PSEN2: variants seen among roughly 807,000 people sequenced by gnomAD.
The protein encoded by PSEN2 is presenilin 2.
PSEN2 carries 32 observed loss-of-function variants against 49.1 expected under a neutral mutation model. That is an observed-to-expected ratio of 0.65 (90% CI 0.49 to 0.88). The LOEUF is 0.88. Ranked by LOEUF, PSEN2 falls within the 40% of genes least tolerant of loss-of-function variation. PSEN2 has a pLI of 0.00. For missense variants in PSEN2, 522 were observed against 586.9 expected (o/e 0.89, Z 1.14); for synonymous variants, 255 against 244.0 (o/e 1.05, Z -0.42).
downstream of PSEN2, among the ~76,000 whole-genome samples, chr1:226,900,243 C>G (rs1662272634): frequency 6.6e-6 from 1 of 152,168 alleles, no homozygotes; most frequent in Admixed American, 6.5e-5. Flanking sequence ...GACCAGCAGT[C>G]AGAATGGTCA....
At chr1:226,883,036 AAACACAAATTCTT>A (rs1661098316) in intron 4 of PSEN2, among the ~76,000 whole-genome samples, 1 of 152,198 alleles carries the variant, frequency 6.6e-6, no homozygotes, top group South Asian at 2.1e-4. Flanking sequence ...CACAGTTCCA[AAACACAAATTCTT>A]ACAGATCGGT....
chr1:226,893,937 C>T (rs1009913351), intron 11 of PSEN2, 70 bp from the exon 12 acceptor site: 51 of 1,395,564 alleles, frequency 3.7e-5, no homozygotes, highest in Non-Finnish European at 5.1e-5. Context: ...GCCTTCTGGG[C>T]CAGAGTTTCT....
At chr1:226,892,771 C>G (rs1184016805) in intron 11 of PSEN2, among the ~76,000 whole-genome samples, 1 of 152,132 alleles carries the variant, frequency 6.6e-6, no homozygotes, top group East Asian at 1.9e-4. Context: ...GGACTGGCCT[C>G]CCTCCAGACA....
At chr1:226,884,923 A>T (rs575875179) in intron 5 of PSEN2, among the ~76,000 whole-genome samples, 5 of 152,224 alleles carry the variant, frequency 3.3e-5, no homozygotes, top group East Asian at 1.9e-4. Flanking sequence ...AAATTTTTTT[A>T]AAAAATTAAA....
At chr1:226,884,171 G>A (rs560884566) in intron 5 of PSEN2, among the ~76,000 whole-genome samples, 1 of 152,296 alleles carries the variant, frequency 6.6e-6, no homozygotes, top group South Asian at 2.1e-4. Flanking sequence ...GCAGTTACTG[G>A]GAGAATTAAG....
chr1:226,896,639 A>T (rs1408044377), downstream of PSEN2, among the ~76,000 whole-genome samples: 1 of 152,056 alleles, frequency 6.6e-6, no homozygotes, highest in Non-Finnish European at 1.5e-5. Flanking sequence ...AGTCGGAAGG[A>T]TCACTTGAGC....
At chr1:226,885,393 G>C (rs1320368244) in intron 5 of PSEN2, 145 bp from the exon 6 acceptor site, 19 of 869,506 alleles carry the variant, frequency 2.2e-5, no homozygotes, top group Non-Finnish European at 3.4e-5. Context: ...TGCTCATGGG[G>C]ATGGTGCCCG....
At chr1:226,898,318 C>T (rs897467324), downstream of PSEN2, 3 of 152,138 alleles carry the variant, frequency 2.0e-5, no homozygotes, top group South Asian at 4.1e-4. Flanking sequence ...TGCTATTGAT[C>T]GACCTGTAGG....
At chr1:226,899,157 T>G (rs546194774), downstream of PSEN2, 1 of 152,368 alleles carries the variant, frequency 6.6e-6, no homozygotes, top group East Asian at 1.9e-4. Flanking sequence ...GTTTTTTGCT[T>G]GTATGGCTTA....
rs540689339 is a variant in PSEN2 at position 226,891,141 on chromosome 1, A to G, written c.887-137A>G. ...CCCCTCCCACAACGGCCTCCTAACA[A>G]TGGAGCATGAGCAGATACCTGCAGG... On this transcript the variant is annotated intron_variant, in intron 9 of 12. Transcript: ENST00000366783. The G allele has an allele frequency of 1.2e-4, 89 of 727,986 alleles. No homozygotes were observed. The East Asian group carries it at 2.3e-3, about 19-fold the overall frequency. 45.1% of individuals were successfully genotyped at this position (727,986 alleles called of 1,614,324 possible). A position where few individuals can be genotyped will look rare whatever the true frequency, so the allele number is the denominator to read the frequency against.
At chr1:226,889,584 A>G (rs1661602729) in intron 8 of PSEN2, among the ~76,000 whole-genome samples, 1 of 152,138 alleles carries the variant, frequency 6.6e-6, no homozygotes. Context: ...CTCATTTTCC[A>G]TTATTACTGC....
chr1:226,889,825 T>A (rs1661618631), intron 8 of PSEN2, among the ~76,000 whole-genome samples: 1 of 152,208 alleles, frequency 6.6e-6, no homozygotes, highest in Non-Finnish European at 1.5e-5. Flanking sequence ...GGTGCACAGC[T>A]CCTCCATGCT....
At chr1:226,888,058 A>G (rs1355009551) in intron 6 of PSEN2, 33 bp from the exon 7 acceptor site, 2 of 1,579,828 alleles carry the variant, frequency 1.3e-6, no homozygotes, top group Admixed American at 3.3e-5. Flanking sequence ...GCGCTTGGGG[A>G]CACCTTGTGA....
chr1:226,899,743 C>T (rs979758097), downstream of PSEN2, among the ~76,000 whole-genome samples: 3 of 152,166 alleles, frequency 2.0e-5, no homozygotes, highest in Non-Finnish European at 2.9e-5. Context: ...TATCAGGGGT[C>T]AGATGCCTCT....
chr1:226,876,000 T>C (rs1283963807), intron 3 of PSEN2, among the ~76,000 whole-genome samples: 1 of 152,228 alleles, frequency 6.6e-6, no homozygotes, highest in Non-Finnish European at 1.5e-5. Flanking sequence ...CTCTGCATTT[T>C]CCTGCCACTT....
chr1:226,893,861 TC>T, intron 11 of PSEN2, 145 bp from the exon 12 acceptor site: 3 of 718,668 alleles, frequency 4.2e-6, no homozygotes, highest in Admixed American at 2.0e-5. Context: ...GCTGTCCATG[TC>T]CCCAGTCCAC....
intron 10 of PSEN2, 76 bp downstream of exon 10, chr1:226,891,437 T>C: frequency 1.5e-6 from 2 of 1,346,996 alleles, no homozygotes; most frequent in South Asian, 2.5e-5. Flanking sequence ...CTGCTCGGCC[T>C]GGCTTCCCTG....
intron 5 of PSEN2, among the ~76,000 whole-genome samples, chr1:226,884,967 A>G (rs1661256073): frequency 6.6e-6 from 1 of 152,112 alleles, no homozygotes; most frequent in African/African-American, 2.4e-5. Context: ...GAAAGCTTAT[A>G]GTGTGTGGGG....
intron 11 of PSEN2, among the ~76,000 whole-genome samples, chr1:226,893,563 G>T (rs1661901316): frequency 1.3e-5 from 2 of 152,156 alleles, no homozygotes; most frequent in Admixed American, 6.5e-5. Context: ...TTTACCTGTT[G>T]TAAGGTGAAA....
Sources: allele counts gnomAD v4.1 joint callset (sites outside exome capture counted in the v4.1 genomes callset), GRCh38; gene constraint gnomAD v4.1.1; transcripts MANE v1.5; gene names NCBI Gene and HGNC (gene_info 2026-07-23, HGNC 2026-07-21).